Variants in MAN2B1 observed in about 807,000 individuals in gnomAD.
The protein encoded by MAN2B1 is mannosidase alpha class 2B member 1.
Under a neutral mutation model 127.5 loss-of-function variants are expected in MAN2B1, and 99 were observed. That is an observed-to-expected ratio of 0.78 (90% CI 0.66 to 0.92). The LOEUF is 0.92. Ranked by LOEUF, MAN2B1 falls within the 40% of genes least tolerant of loss-of-function variation. The pLI, the probability that MAN2B1 is intolerant of heterozygous loss-of-function variation, is 0.00. For synonymous variants in MAN2B1, 573 were observed against 568.8 expected, an observed-to-expected ratio of 1.01 and a Z score of -0.11; for missense variants, 1,304 against 1,384.8, an observed-to-expected ratio of 0.94 and a Z score of 0.93.
Position 12,655,944 on chromosome 19 carries a change from CA to C in MAN2B1, c.1645-66del, listed in dbSNP as rs1395241443. 19 of 1,367,868 alleles carry C rather than the reference CA, an allele frequency of 1.4e-5. No homozygotes were observed. The East Asian group carries it at 4.4e-4, about 32-fold the overall frequency. 84.7% of individuals were successfully genotyped at this position (1,367,868 alleles called of 1,614,324 possible). A position where few individuals can be genotyped will look rare whatever the true frequency, so the allele number is the denominator to read the frequency against. ...ATGGAAAGCTATACATGCATGGAGA[CA>C]AAAAACTCAAGGAAGGAAAAGAGTC... On this transcript the variant is annotated intron_variant, in intron 13 of 23. Transcript: ENST00000456935.
chr19:12,656,493 C>T, intron 13 of MAN2B1, 78 bp downstream of exon 13: 2 of 978,628 alleles, frequency 2.0e-6, no homozygotes, highest in Non-Finnish European at 3.3e-6. Flanking sequence ...TGGAAGCAGG[C>T]GATATCCATG....
rs1454892072 is a variant in MAN2B1 at position 12,652,449 on chromosome 19, T to G, written c.1842A>C (p.Ala614=). The change falls in exon 15 of 24, where the codon GCA becomes GCC. Residue 614 remains alanine, a synonymous_variant. Coordinates refer to ENST00000456935, the MANE Select transcript of MAN2B1 (RefSeq NM_000528.4). ...ALTIENEHIR[A]TFDPDTGLLM... ...ACAGCCCTGTGTCAGGATCAAACGTTGCCCGGATGTGCTGGGCAGAAAAGG... is the reference window on the plus strand; with the variant it reads ...ACAGCCCTGTGTCAGGATCAAACGTGGCCCGGATGTGCTGGGCAGAAAAGG... 1 of 1,613,914 alleles carries G rather than the reference T, an allele frequency of 6.2e-7. No homozygotes were observed. Among genetic ancestry groups the G allele is most frequent in the Non-Finnish European group, 8.5e-7 (1 of 1,179,906 alleles).
At chr19:12,646,894 C>T (rs2023701297) in intron 23 of MAN2B1, 162 bp from the exon 24 acceptor site, 1 of 634,162 alleles carries the variant, frequency 1.6e-6, no homozygotes, top group Non-Finnish European at 2.8e-6. Flanking sequence ...CCCCGAATAC[C>T]ACCCCCAGGT....
chr19:12,660,442 C>T (rs2024074138), intron 7 of MAN2B1, among the ~76,000 whole-genome samples: 1 of 152,022 alleles, frequency 6.6e-6, no homozygotes, highest in Non-Finnish European at 1.5e-5. Context: ...GCGGAGGTTG[C>T]AGTGAGCCGA....
rs139299013 is a variant in MAN2B1 at position 12,664,471 on chromosome 19, G to A, written c.630+321C>T. Among the ~76,000 whole-genome samples the A allele has an allele frequency of 5.2e-3, 790 of 152,272 alleles. 4 individuals are homozygous for A. The highest frequency in any genetic ancestry group is 0.018 in the African/African-American group (729 of 41,564). On this transcript the variant is annotated intron_variant, in intron 4 of 23. Coordinates refer to ENST00000456935, the MANE Select transcript of MAN2B1 (RefSeq NM_000528.4). ...CACAGGTAATGAACCTGTTTTTAAG[G>A]CAGCCTAGGCATCCACTTGCCACCC...
At chr19:12,655,581 T>A in intron 14 of MAN2B1, 113 bp downstream of exon 14, 5 of 1,053,500 alleles carry the variant, frequency 4.7e-6, no homozygotes, top group Non-Finnish European at 6.9e-6. Flanking sequence ...ATGAGGGGAG[T>A]TGTGACAGGA....
intron 23 of MAN2B1, among the ~76,000 whole-genome samples, 156 bp from the exon 24 acceptor site, chr19:12,646,888 G>A (rs147835782): frequency 1.4e-4 from 21 of 152,004 alleles, no homozygotes; most frequent in African/African-American, 4.1e-4. Flanking sequence ...CCCCGGCCCC[G>A]AATACCACCC....
At chr19:12,661,163 G>A in intron 7 of MAN2B1, 97 bp downstream of exon 7, 1 of 851,518 alleles carries the variant, frequency 1.2e-6, no homozygotes, top group Admixed American at 1.7e-5. Context: ...TAGAACAATA[G>A]AAAACAAAGA....
Position 12,663,770 on chromosome 19 carries a change from C to T in MAN2B1, c.696G>A (p.Lys232=). 1 of 1,614,208 alleles carries T rather than the reference C, an allele frequency of 6.2e-7. No homozygotes were observed. The highest frequency in any genetic ancestry group is 8.5e-7 in the Non-Finnish European group (1 of 1,180,036). Residue 232 remains lysine (K), a synonymous_variant, in exon 5 of 24, where the codon AAG becomes AAA. Coordinates refer to ENST00000456935, the MANE Select transcript of MAN2B1 (RefSeq NM_000528.4). ...DYQDKWVRMQ[K]LEMEQVWRAS... is the part of the protein sequence containing the mutation. ...CCCGCCACACCTGCTCCATCTCCAG[C>T]TTCTGCATCCGTACCCACTTATCTT...
In MAN2B1 at chr19:12,649,346, T is replaced by C. The variant is rs1465736173; in HGVS notation, c.2350A>G (p.Ile784Val). 3 of 1,613,496 alleles carry C rather than the reference T, an allele frequency of 1.9e-6. No homozygotes were observed. The highest frequency in any genetic ancestry group is 2.2e-5 in the East Asian group (1 of 44,868). ...GCAGGATGGGGGAGAGCTACCGTGATGTAAATCCGGGTGTTGACTGGATAG... is the reference window on the plus strand; with the variant it reads ...GCAGGATGGGGGAGAGCTACCGTGACGTAAATCCGGGTGTTGACTGGATAG... ...NYYPVNTRIY[I>V]TDGNMQLTVL... Residue 784 changes from isoleucine to valine, a missense_variant, in exon 19 of 24, where the codon ATC becomes GTC. Physicochemically the swap from Ile to Val is conservative, Grantham distance 29. Coordinates refer to ENST00000456935, the MANE Select transcript of MAN2B1 (RefSeq NM_000528.4).
chr19:12,650,132 C>G lies in MAN2B1; in HGVS notation c.2137G>C (p.Glu713Gln). The G allele has an allele frequency of 6.2e-7, 1 of 1,614,150 alleles. No homozygotes were observed. Among genetic ancestry groups the G allele is most frequent in the Non-Finnish European group, 8.5e-7 (1 of 1,180,036 alleles). The change falls in exon 17 of 24, where the codon GAG becomes CAG. Residue 713 changes from glutamate (E) to glutamine (Q), a missense_variant. Physicochemically the swap from Glu to Gln is conservative, Grantham distance 29. Coordinates refer to ENST00000456935, the MANE Select transcript of MAN2B1 (RefSeq NM_000528.4). ...ACAGGTATCGGCCCCACCGACCACT[C>G]TAGCTCCAGGTGCCGCTGTCCTGGG... is the stretch of plus-strand genomic sequence containing the variant. ...LYPGQRHLELEWSVGPIPVGD... is the reference protein window; with the variant it reads ...LYPGQRHLELQWSVGPIPVGD...
Position 12,646,722 on chromosome 19 carries a change from G to A in MAN2B1, c.2934C>T (p.Pro978=), listed in dbSNP as rs2023696927. The change falls in exon 24 of 24, where the codon CCC becomes CCT. Residue 978 remains proline, a synonymous_variant. Transcript: ENST00000456935. ...LKWTTNTGPT[P]HQTPYQLDPA... ...GGTCCAGCTGGTACGGAGTTTGGTG[G>A]GGTGTGGGGCCTGGAGAGGTGCAGG... The A allele has an allele frequency of 6.2e-7, 1 of 1,613,418 alleles. No individual in the cohort carries two copies. Among genetic ancestry groups the A allele is most frequent in the Non-Finnish European group, 8.5e-7 (1 of 1,179,388 alleles).
chr19:12,650,060 T>C (rs770253455), intron 17 of MAN2B1, 44 bp downstream of exon 17: 2 of 1,610,164 alleles, frequency 1.2e-6, no homozygotes, highest in Non-Finnish European at 1.7e-6. Context: ...GATAAACCCC[T>C]CTGCCCTTGC....
chr19:12,664,777 G>A lies in MAN2B1; in HGVS notation c.630+15C>T. 6.2e-7 allele frequency: 1 copy of A among 1,609,632 alleles called. No individual in the cohort carries two copies. Among genetic ancestry groups the A allele is most frequent in the Non-Finnish European group, 8.5e-7 (1 of 1,178,444 alleles). The stretch of plus-strand genomic sequence containing the variant: ...TGAGTGAAGAAGTGGGCCCAAGAGA[G>A]GTCCCGGGTCGCACCTGCGCAAACA... On this transcript the variant is annotated intron_variant, in intron 4 of 23. Transcript: ENST00000456935.
At chr19:12,665,198 A>T in intron 3 of MAN2B1, 154 bp downstream of exon 3, 1 of 1,085,506 alleles carries the variant, frequency 9.2e-7, no homozygotes, top group Non-Finnish European at 1.4e-6. Context: ...GCTTTGTGGG[A>T]TGTATAGGAG....
intron 6 of MAN2B1, among the ~76,000 whole-genome samples, chr19:12,663,102 A>C (rs1414147448): frequency 6.6e-6 from 1 of 150,646 alleles, no homozygotes; most frequent in East Asian, 2.0e-4. Context: ...CCCAGTGCAA[A>C]AATACAAAAA....
At chr19:12,651,690 C>G (rs1041559185) in intron 16 of MAN2B1, among the ~76,000 whole-genome samples, 13 of 152,156 alleles carry the variant, frequency 8.5e-5, no homozygotes, top group African/African-American at 3.1e-4. Context: ...CCCTGGGAAA[C>G]CACTGTTCCT....
At chr19:12,648,144 G>A (rs1396603479) in intron 21 of MAN2B1, 31 bp downstream of exon 21, 4 of 1,518,266 alleles carry the variant, frequency 2.6e-6, no homozygotes, top group East Asian at 2.4e-5. Context: ...ACTTCAATCC[G>A]GTCCTCTCTG....
intron 13 of MAN2B1, 131 bp from the exon 14 acceptor site, chr19:12,656,010 G>A (rs777404968): frequency 8.5e-5 from 60 of 704,632 alleles, no homozygotes; most frequent in Non-Finnish European, 1.4e-4. Flanking sequence ...TGTGGTGGGG[G>A]GACAGTCAGA....
Sources: allele counts gnomAD v4.1 joint callset (sites outside exome capture counted in the v4.1 genomes callset), GRCh38; gene constraint gnomAD v4.1.1; transcripts MANE v1.5; gene names NCBI Gene and HGNC (gene_info 2026-07-23, HGNC 2026-07-21).